The following GRM7 variants were observed in gnomAD, a reference collection of about 807,000 sequenced individuals.
GRM7 encodes glutamate metabotropic receptor 7, also known as metabotropic glutamate receptor 7.
A neutral mutation model predicts 84.5 loss-of-function variants in GRM7; 35 were observed. That is an observed-to-expected ratio of 0.41 (90% CI 0.32 to 0.55). The LOEUF (loss-of-function observed/expected upper bound fraction) is 0.55, where lower values mean the gene tolerates loss of function less well. Ranked by LOEUF, GRM7 falls within the 20% of genes least tolerant of loss-of-function variation. The pLI is 0.19. For synonymous variants in GRM7, 487 were observed against 455.1 expected, an observed-to-expected ratio of 1.07 and a Z score of -0.89; for missense variants, 1,003 against 1,194.6, an observed-to-expected ratio of 0.84 and a Z score of 2.36.
At chr3:7,557,656 G>A (rs1034571905) in intron 7 of GRM7, among the ~76,000 whole-genome samples, 12 of 152,054 alleles carry the variant, frequency 7.9e-5, no homozygotes, top group Non-Finnish European at 1.6e-4. Flanking sequence ...TTGATGATAA[G>A]GAAGATATGT....
Position 6,863,016 on chromosome 3 carries a change from C to T in GRM7, c.519+1109C>T. The T allele has an allele frequency of 2.2e-6, 1 of 456,024 alleles. No homozygotes were observed. Among genetic ancestry groups the T allele is most frequent in the Non-Finnish European group, 4.4e-6 (1 of 226,662 alleles). 28.2% of individuals were successfully genotyped at this position (456,024 alleles called of 1,614,324 possible). On this transcript the variant is annotated intron_variant, in intron 1 of 9. Coordinates refer to ENST00000357716, the MANE Select transcript of GRM7 (RefSeq NM_000844.4). The surrounding 1 kb of genome is among the most constrained non-coding windows in gnomAD (Gnocchi z 4.8). ...AGCTGCACTGGGTAGGAATGAGTGG[C>T]TTTGGGGTTTGGAAATTGAGTTTCA... is the stretch of plus-strand genomic sequence containing the variant.
chr3:7,325,961 C>T (rs192166420), intron 4 of GRM7, among the ~76,000 whole-genome samples: 233 of 152,068 alleles, frequency 1.5e-3, no homozygotes, highest in African/African-American at 5.5e-3. Flanking sequence ...TGTGTTTCAT[C>T]GTAATGAGTA....
intron 1 of GRM7, among the ~76,000 whole-genome samples, chr3:6,895,569 G>A (rs1468859888): frequency 6.6e-6 from 1 of 152,128 alleles, no homozygotes; most frequent in Non-Finnish European, 1.5e-5. Context: ...AGATCACACA[G>A]CTAGTAAGAG....
At chr3:7,207,656 C>G (rs1337570847) in intron 2 of GRM7, among the ~76,000 whole-genome samples, 1 of 152,108 alleles carries the variant, frequency 6.6e-6, no homozygotes, top group Non-Finnish European at 1.5e-5. Context: ...ACCGAGATTT[C>G]AATATCAAGT....
intron 5 of GRM7, among the ~76,000 whole-genome samples, chr3:7,449,580 T>A (rs1399513657): frequency 6.6e-6 from 1 of 152,138 alleles, no homozygotes; most frequent in African/African-American, 2.4e-5. Context: ...TTATAAAGCC[T>A]TTATAATTGA....
intron 9 of GRM7, chr3:7,686,346 TTTTCC>T: frequency 8.9e-7 from 1 of 1,120,772 alleles, no homozygotes; most frequent in Non-Finnish European, 1.4e-6. Flanking sequence ...ATATATTTAC[TTTTCC>T]TGTAGACTGT....
At chr3:7,244,603 T>C (rs1341638463) in intron 2 of GRM7, among the ~76,000 whole-genome samples, 2 of 152,032 alleles carry the variant, frequency 1.3e-5, no homozygotes, top group East Asian at 3.9e-4. Flanking sequence ...GCCTTAGAAC[T>C]AATATGCCCA....
At chr3:7,177,417 C>T (rs975434818) in intron 2 of GRM7, among the ~76,000 whole-genome samples, 13 of 151,962 alleles carry the variant, frequency 8.6e-5, no homozygotes, top group South Asian at 4.2e-4. Flanking sequence ...TCTGCTGCTG[C>T]GCTTAATGAC....
chr3:6,951,714 G>GA (rs1257012983), intron 1 of GRM7, among the ~76,000 whole-genome samples: 2 of 152,032 alleles, frequency 1.3e-5, no homozygotes, highest in African/African-American at 4.8e-5. Flanking sequence ...TCCCCTTTCA[G>GA]AAAAAAATAT....
chr3:6,893,440 C>T (rs371973211), intron 1 of GRM7, among the ~76,000 whole-genome samples: 1 of 152,162 alleles, frequency 6.6e-6, no homozygotes, highest in Non-Finnish European at 1.5e-5. Flanking sequence ...AACGTGAATC[C>T]TAATTCGGCC....
chr3:6,867,002 G>A (rs1414339721), intron 1 of GRM7, among the ~76,000 whole-genome samples: 1 of 152,176 alleles, frequency 6.6e-6, no homozygotes, highest in Non-Finnish European at 1.5e-5. Context: ...ACTTTCTGTA[G>A]CATATAGTCA....
chr3:7,637,208 A>G (rs1209218155), intron 8 of GRM7, among the ~76,000 whole-genome samples: 4 of 152,194 alleles, frequency 2.6e-5, no homozygotes, highest in East Asian at 1.9e-4. Context: ...CAGTGGCACA[A>G]TCATAGCTCA....
At chr3:7,481,968 C>T (rs1238114435) in intron 7 of GRM7, among the ~76,000 whole-genome samples, 2 of 152,108 alleles carry the variant, frequency 1.3e-5, no homozygotes, top group Non-Finnish European at 2.9e-5. Flanking sequence ...GCGAGTGGAT[C>T]ACAAAGTCAG....
intron 2 of GRM7, among the ~76,000 whole-genome samples, chr3:7,273,000 A>G (rs1008073973): frequency 6.6e-6 from 1 of 151,694 alleles, no homozygotes; most frequent in African/African-American, 2.4e-5. Flanking sequence ...ACGTTCCTCT[A>G]TGGACTGTGT....
At chr3:7,623,881 C>T (rs1265537408) in intron 8 of GRM7, among the ~76,000 whole-genome samples, 1 of 152,150 alleles carries the variant, frequency 6.6e-6, no homozygotes, top group Non-Finnish European at 1.5e-5. Flanking sequence ...GGGGAAACCT[C>T]ATGACCTAGA....
At chr3:7,351,339 GAAAA>G (rs768248079) in intron 4 of GRM7, among the ~76,000 whole-genome samples, 1 of 45,904 alleles carries the variant, frequency 2.2e-5, no homozygotes, top group Non-Finnish European at 3.9e-5. Flanking sequence ...TCCCACAGGC[GAAAA>G]AAAAAAAAAA....
intron 4 of GRM7, among the ~76,000 whole-genome samples, chr3:7,377,924 T>G (rs1157441610): frequency 6.6e-6 from 1 of 152,210 alleles, no homozygotes; most frequent in Non-Finnish European, 1.5e-5. Context: ...TTTCCATGTA[T>G]CTGTGGAAGC....
chr3:7,583,238 T>G lies in GRM7; in HGVS notation c.2451+3881T>G, dbSNP rs140369872. Among the ~76,000 whole-genome samples, 454 of 152,320 alleles carry G rather than the reference T, an allele frequency of 3.0e-3. 2 individuals are homozygous for G. Among genetic ancestry groups the G allele is most frequent in the Non-Finnish European group, 5.5e-3 (374 of 68,020 alleles). On this transcript the variant is annotated intron_variant, in intron 8 of 9. Transcript: ENST00000357716. Reference sequence around the variant, plus strand: ...AGATAGCAATAGAATAGGTAGACAGTGGTGCTCCCCAGCGGTATTTTTGTG... The same window carrying G: ...AGATAGCAATAGAATAGGTAGACAGGGGTGCTCCCCAGCGGTATTTTTGTG...
At chr3:7,666,144 A>T (rs2125128137) in intron 8 of GRM7, among the ~76,000 whole-genome samples, 1 of 152,282 alleles carries the variant, frequency 6.6e-6, no homozygotes, top group Middle Eastern at 3.4e-3. Flanking sequence ...GAAAATTCAA[A>T]TTGGTGGGGT....
Sources: gnomAD v4.1 joint callset for allele counts (sites outside exome capture counted in the v4.1 genomes callset) on GRCh38, gnomAD v4.1.1 for gene constraint, Gnocchi (gnomAD v3.1) non-coding constraint, MANE v1.5 for transcripts, NCBI Gene and HGNC (gene_info 2026-07-23, HGNC 2026-07-21) for gene names.